FAM161B: variants seen among roughly 807,000 people sequenced by gnomAD.
FAM161B encodes FAM161 centrosomal protein B.
Under a neutral mutation model 61.5 loss-of-function variants are expected in FAM161B, and 46 were observed. The observed-to-expected ratio is 0.75, with a 90% confidence interval of 0.59 to 0.96. The LOEUF is 0.96. Among genes scored for constraint, FAM161B ranks in the 40% least tolerant of loss-of-function variants. The pLI, the probability that FAM161B is intolerant of heterozygous loss-of-function variation, is 0.00. For synonymous variants in FAM161B, 284 were observed against 302.7 expected, an observed-to-expected ratio of 0.94 and a Z score of 0.64; for missense variants, 774 against 800.7, an observed-to-expected ratio of 0.97 and a Z score of 0.40.
At chr14:73,943,444 CCA>C (rs1321420826) in intron 3 of FAM161B, among the ~76,000 whole-genome samples, 2 of 152,186 alleles carry the variant, frequency 1.3e-5, no homozygotes. Context: ...GGGATGAAGT[CCA>C]GACTCGCCAA....
At chr14:73,947,404 AG>A (rs2056076812) in intron 1 of FAM161B, among the ~76,000 whole-genome samples, 1 of 150,988 alleles carries the variant, frequency 6.6e-6, no homozygotes, top group East Asian at 1.9e-4. Flanking sequence ...AAAAAAAAAA[AG>A]GAATGGATGA....
intron 5 of FAM161B, among the ~76,000 whole-genome samples, chr14:73,938,750 C>A (rs11159049): frequency 1.3e-5 from 2 of 151,670 alleles, no homozygotes; most frequent in Admixed American, 6.6e-5. Flanking sequence ...CCAGCCTGGG[C>A]GACAGTGAGA....
chr14:73,934,664 C>A (rs2055956291), intron 8 of FAM161B, among the ~76,000 whole-genome samples: 2 of 151,096 alleles, frequency 1.3e-5, no homozygotes, highest in South Asian at 4.2e-4. Flanking sequence ...CCAGGCTGGT[C>A]TCAAACTCCT....
intron 1 of FAM161B, among the ~76,000 whole-genome samples, chr14:73,949,098 T>G (rs1376690003): frequency 2.9e-5 from 4 of 139,680 alleles, no homozygotes; most frequent in Admixed American, 7.3e-5. Flanking sequence ...TTTTGTATTT[T>G]TTTGTTTGTT....
Position 73,940,974 on chromosome 14 carries a change from AGAGTGTTGG to A in FAM161B, c.1343_1351del (p.Ala448_Leu451delinsVal). 1 of 1,613,608 alleles carries A rather than the reference AGAGTGTTGG, an allele frequency of 6.2e-7. No homozygotes were observed. The highest frequency in any genetic ancestry group is 8.5e-7 in the Non-Finnish European group (1 of 1,179,752). ...GGTGGCATCTGTGATGTGCACAGGG[AGAGTGTTGG>A]CAGAGAGGGAAGCAAGGCCGCTCAG... On this transcript the variant is annotated inframe_deletion, in exon 5 of 9. Coordinates refer to ENST00000286544, the MANE Select transcript of FAM161B (RefSeq NM_152445.3).
chr14:73,946,569 C>T lies in FAM161B; in HGVS notation c.91G>A (p.Gly31Arg), dbSNP rs1277872699. The T allele has an allele frequency of 3.7e-6, 6 of 1,614,136 alleles. No homozygotes were observed. The highest frequency in any genetic ancestry group is 1.1e-5 in the South Asian group (1 of 91,082). ...AGCCCATCCCCGGACAGCTCCTCTC[C>T]TGCCTCTGTGTCTGCGAAGGACTCG... ...PPESFADTEA[G>R]EELSGDGLVL... The change falls in exon 2 of 9, where the codon GGA becomes AGA. Residue 31 changes from glycine to arginine, a missense_variant. Gly to Arg is a moderately radical substitution (Grantham distance 125). Coordinates refer to ENST00000286544, the MANE Select transcript of FAM161B (RefSeq NM_152445.3).
At chr14:73,927,174 C>T, downstream of FAM161B, 1 of 264,622 alleles carries the variant, frequency 3.8e-6, no homozygotes, top group Non-Finnish European at 8.2e-6. Flanking sequence ...CAACCTCTAC[C>T]TCCCGAATTC....
rs768483305 is a variant in FAM161B, at chr14:73,938,511, G to A, written c.1401-399C>T. 1.6e-3 allele frequency among the ~76,000 whole-genome samples: 243 copies of A among 151,428 alleles called. 1 individual carries two copies. The highest frequency in any genetic ancestry group is 2.8e-3 in the Non-Finnish European group (191 of 67,872). On this transcript the variant is annotated intron_variant, in intron 5 of 8. Coordinates refer to ENST00000286544, the MANE Select transcript of FAM161B (RefSeq NM_152445.3). ...AAAATAGCCGGGCATGGTGGCTCAT[G>A]CCTGTAATCCCAGCACTTTGGGAGG...
chr14:73,946,203 ACAGAGGAAGATGAAGCC>A (rs2056064512), intron 2 of FAM161B, 66 bp downstream of exon 2: 1 of 1,410,338 alleles, frequency 7.1e-7, no homozygotes. Context: ...TCTTTGCTTT[ACAGAGGAAGATGAAGCC>A]CAGAGACACG....
In FAM161B at chr14:73,946,405, A is replaced by C. The variant is rs546261971; in HGVS notation, c.255T>G (p.Ser85=). ...KQKGRWCLLE[S]LFQSDPESDE... is the part of the protein sequence containing the mutation. ...CACTCTCTGGGTCAGACTGAAAGAG[A>C]GACTCCAACAGACACCATCTCCCTT... The change falls in exon 2 of 9, where the codon TCT becomes TCG. Residue 85 remains serine (S), a synonymous_variant. Coordinates refer to ENST00000286544, the MANE Select transcript of FAM161B (RefSeq NM_152445.3). 2.5e-6 allele frequency: 4 copies of C among 1,614,094 alleles called. No homozygotes were observed. The highest frequency in any genetic ancestry group is 1.6e-4 in the Middle Eastern group (1 of 6,062).
the FAM161B span, among the ~76,000 whole-genome samples, chr14:73,925,995 C>CT: frequency 2.0e-5 from 3 of 152,204 alleles, no homozygotes; most frequent in Non-Finnish European, 4.4e-5. Context: ...GACTGTGCCA[C>CT]TGTACTCCAG....
chr14:73,934,859 C>T (rs2055957793), intron 8 of FAM161B, among the ~76,000 whole-genome samples: 1 of 150,846 alleles, frequency 6.6e-6, no homozygotes, highest in African/African-American at 2.4e-5. Flanking sequence ...CCATCCTGGC[C>T]AACATGGTGA....
downstream of FAM161B, chr14:73,931,938 CCAA>C: frequency 8.7e-6 from 4 of 457,318 alleles, no homozygotes; most frequent in South Asian, 6.2e-5. Flanking sequence ...ATTCCTGCTA[CCAA>C]CAACAGAGCT....
rs1440814588 is a variant in FAM161B at position 73,932,497 on chromosome 14, A to C, written c.*1759T>G. Reference sequence around the variant, plus strand: ...GACGCATCTGAGAAAATGGCAATAAAAACAGATACTTCTGAATTTTTCCAC... The same window carrying C: ...GACGCATCTGAGAAAATGGCAATAACAACAGATACTTCTGAATTTTTCCAC... On this transcript the variant is annotated 3_prime_UTR_variant, in exon 9 of 9. Coordinates refer to ENST00000286544, the MANE Select transcript of FAM161B (RefSeq NM_152445.3). 1 of 453,010 alleles carries C rather than the reference A, an allele frequency of 2.2e-6. No homozygotes were observed. The highest frequency in any genetic ancestry group is 4.4e-6 in the Non-Finnish European group (1 of 226,184). 28.1% of individuals were successfully genotyped at this position (453,010 alleles called of 1,614,324 possible).
downstream of FAM161B, chr14:73,931,772 G>A: frequency 1.9e-6 from 1 of 537,082 alleles, no homozygotes; most frequent in Non-Finnish European, 3.4e-6. Flanking sequence ...CTGGGAAACT[G>A]TACCTACCTC....
chr14:73,933,259 A>G lies in FAM161B; in HGVS notation c.*997T>C, dbSNP rs1463306520. 1 of 152,244 alleles carries G rather than the reference A, an allele frequency of 6.6e-6. No homozygotes were observed. Among genetic ancestry groups the G allele is most frequent in the East Asian group, 1.9e-4 (1 of 5,200 alleles). The allele number at this position is 152,244 out of a possible 1,614,324, so 9.4% of individuals were successfully genotyped here. On this transcript the variant is annotated 3_prime_UTR_variant, in exon 9 of 9. Coordinates refer to ENST00000286544, the MANE Select transcript of FAM161B (RefSeq NM_152445.3). The stretch of plus-strand genomic sequence containing the variant: ...CTGGGGATATGCAATATCTGGAGAC[A>G]TTTTTGGTTGTCACAGCTGGGGAGA...
chr14:73,925,951 C>T, the FAM161B span, among the ~76,000 whole-genome samples: 1 of 152,118 alleles, frequency 6.6e-6, no homozygotes, highest in African/African-American at 2.4e-5. Context: ...GGAGGATCAC[C>T]TAAGCCTGGG....
intron 5 of FAM161B, among the ~76,000 whole-genome samples, chr14:73,938,574 T>A (rs183058640): frequency 6.6e-6 from 1 of 150,648 alleles, no homozygotes; most frequent in Non-Finnish European, 1.5e-5. Context: ...AGATCGAGAC[T>A]ATCCTGGCTA....
chr14:73,947,338 T>C (rs1415313187), intron 1 of FAM161B, among the ~76,000 whole-genome samples: 2 of 148,118 alleles, frequency 1.4e-5, no homozygotes, highest in South Asian at 2.1e-4. Flanking sequence ...TGAGATGAGA[T>C]TGCGCCACTG....
Sources: gnomAD v4.1 joint callset for allele counts (sites outside exome capture counted in the v4.1 genomes callset) on GRCh38, gnomAD v4.1.1 for gene constraint, MANE v1.5 for transcripts, NCBI Gene and HGNC (gene_info 2026-07-23, HGNC 2026-07-21) for gene names.